Variants in RAPGEF5 observed in about 807,000 individuals in gnomAD.
The protein encoded by RAPGEF5 is M-Ras-regulated GEF.
A neutral mutation model predicts 125.2 loss-of-function variants in RAPGEF5; 65 were observed. The observed-to-expected ratio is 0.52, with a 90% CI of 0.43 to 0.64. The LOEUF is 0.64. Ranked by LOEUF, RAPGEF5 falls within the 30% of genes least tolerant of loss-of-function variation. RAPGEF5 has a pLI of 0.00. For synonymous variants in RAPGEF5, 391 were observed against 385.9 expected, an observed-to-expected ratio of 1.01 and a Z score of -0.16; for missense variants, 958 against 1,048.1, an observed-to-expected ratio of 0.91 and a Z score of 1.19.
At chr7:22,343,962 A>G (rs1024427306) in intron 1 of RAPGEF5, among the ~76,000 whole-genome samples, 3 of 152,136 alleles carry the variant, frequency 2.0e-5, no homozygotes, top group Non-Finnish European at 2.9e-5. Flanking sequence ...AGGAATGCCA[A>G]TTCCTCATAT....
At chr7:22,168,307 A>G (rs1384062981) in intron 11 of RAPGEF5, among the ~76,000 whole-genome samples, 1 of 152,204 alleles carries the variant, frequency 6.6e-6, no homozygotes, top group Non-Finnish European at 1.5e-5. Context: ...TCTCTCTACC[A>G]TACAAGTATC....
intron 6 of RAPGEF5, among the ~76,000 whole-genome samples, chr7:22,284,067 CTGTG>C (rs1554273151): frequency 1.0e-4 from 15 of 149,678 alleles, no homozygotes; most frequent in East Asian, 3.9e-4. Flanking sequence ...TTTTAAAAAG[CTGTG>C]TGTGTGTGTG....
intron 6 of RAPGEF5, among the ~76,000 whole-genome samples, chr7:22,288,195 T>A (rs1251764160): frequency 6.6e-6 from 1 of 151,910 alleles, no homozygotes; most frequent in Non-Finnish European, 1.5e-5. Context: ...TTCCTCTCAC[T>A]GTCCTCTAGT....
chr7:22,195,116 C>G (rs373492564), intron 9 of RAPGEF5, among the ~76,000 whole-genome samples: 3 of 152,172 alleles, frequency 2.0e-5, no homozygotes, highest in African/African-American at 7.2e-5. Flanking sequence ...GCTCCTAGCA[C>G]GTTTCCCCTA....
intron 6 of RAPGEF5, among the ~76,000 whole-genome samples, chr7:22,290,971 A>G (rs1025194787): frequency 9.9e-5 from 15 of 152,170 alleles, no homozygotes; most frequent in Non-Finnish European, 2.9e-5. Flanking sequence ...TCCACCAGAA[A>G]TATCTATGAT....
At chr7:22,244,060 T>G (rs1256977515) in intron 7 of RAPGEF5, among the ~76,000 whole-genome samples, 1 of 152,216 alleles carries the variant, frequency 6.6e-6, no homozygotes, top group Non-Finnish European at 1.5e-5. Context: ...TCTCTTTCTG[T>G]GCCTGGCTTA....
chr7:22,133,442 G>C (rs1369591414), intron 23 of RAPGEF5, among the ~76,000 whole-genome samples: 2 of 152,128 alleles, frequency 1.3e-5, no homozygotes, highest in Non-Finnish European at 2.9e-5. Context: ...GCAGTTTTGG[G>C]GTATGAGAAA....
intron 1 of RAPGEF5, among the ~76,000 whole-genome samples, chr7:22,347,460 C>A (rs185167818): frequency 6.6e-6 from 1 of 152,126 alleles, no homozygotes; most frequent in East Asian, 1.9e-4. Context: ...TTAAGATATA[C>A]CATCAATTTA....
At chr7:22,328,210 G>T (rs1783850656) in intron 1 of RAPGEF5, among the ~76,000 whole-genome samples, 1 of 152,174 alleles carries the variant, frequency 6.6e-6, no homozygotes, top group Admixed American at 6.5e-5. Flanking sequence ...GGTTCCTCCT[G>T]GTCAGAAGGG....
intron 13 of RAPGEF5, 48 bp downstream of exon 13, chr7:22,162,349 T>C (rs775614930): frequency 1.1e-5 from 16 of 1,502,616 alleles, no homozygotes; most frequent in Admixed American, 7.3e-5. Flanking sequence ...TAACTAAAAA[T>C]AGAATCAGTT....
Position 22,233,831 on chromosome 7 carries a change from CAAT to C in RAPGEF5, c.797-2915_797-2913del, listed in dbSNP as rs376234381. Among the ~76,000 whole-genome samples the C allele has an allele frequency of 2.2e-3, 338 of 152,304 alleles. 1 individual carries two copies. Among genetic ancestry groups the C allele is most frequent in the African/African-American group, 7.3e-3 (305 of 41,564 alleles). The stretch of plus-strand genomic sequence containing the variant: ...TTTATTTCTAGCTTATCCCCAACAA[CAAT>C]GCTATGTTTATTGTCACATCTTTAA... On this transcript the variant is annotated intron_variant, in intron 7 of 25. Transcript: ENST00000665637.
Position 22,120,192 on chromosome 7 carries a change from G to A in RAPGEF5, c.*2214C>T, listed in dbSNP as rs1782543132. On this transcript the variant is annotated 3_prime_UTR_variant, in exon 26 of 26. Coordinates refer to ENST00000665637, the MANE Select transcript of RAPGEF5 (RefSeq NM_012294.5). The surrounding 1 kb of genome is among the most constrained non-coding windows in gnomAD (Gnocchi z 4.0). The stretch of plus-strand genomic sequence containing the variant: ...CCACCTAACCACGGCTGGAGGAAGA[G>A]GTGAACAAGCATCATTTTCTCCCCA... The A allele has an allele frequency of 6.6e-6, 1 of 152,184 alleles. No homozygotes were observed. The highest frequency in any genetic ancestry group is 6.5e-5 in the Admixed American group (1 of 15,274). The allele number at this position is 152,184 out of a possible 1,614,324, so 9.4% of individuals were successfully genotyped here. A position where few individuals can be genotyped will look rare whatever the true frequency, so the allele number is the denominator to read the frequency against.
chr7:22,288,095 C>G (rs1782840462), intron 6 of RAPGEF5, among the ~76,000 whole-genome samples: 1 of 152,196 alleles, frequency 6.6e-6, no homozygotes, highest in South Asian at 2.1e-4. Flanking sequence ...TCAACTAAAT[C>G]CACAGTGAAC....
intron 7 of RAPGEF5, among the ~76,000 whole-genome samples, chr7:22,237,958 A>G (rs992595548): frequency 1.1e-4 from 16 of 152,366 alleles, no homozygotes; most frequent in African/African-American, 3.6e-4. Flanking sequence ...AAAGGCATCC[A>G]GGAAAATGCG....
chr7:22,276,497 G>A (rs1301819017), intron 6 of RAPGEF5, among the ~76,000 whole-genome samples: 1 of 152,198 alleles, frequency 6.6e-6, no homozygotes, highest in East Asian at 1.9e-4. Context: ...TTCTATGGTA[G>A]CAATCTCTCA....
chr7:22,140,163 C>T (rs755210613), intron 20 of RAPGEF5, 48 bp from the exon 21 acceptor site: 3 of 1,477,234 alleles, frequency 2.0e-6, no homozygotes, highest in Non-Finnish European at 2.8e-6. Context: ...ACATTCTTTC[C>T]CCAGATAATC....
At chr7:22,205,066 T>C (rs1197763394) in intron 9 of RAPGEF5, among the ~76,000 whole-genome samples, 1 of 152,172 alleles carries the variant, frequency 6.6e-6, no homozygotes, top group Admixed American at 6.5e-5. Flanking sequence ...ATAACACATA[T>C]GAAAAACAAA....
chr7:22,266,868 C>G (rs879076825), intron 7 of RAPGEF5, 96 bp downstream of exon 7: 1 of 1,264,118 alleles, frequency 7.9e-7, no homozygotes, highest in South Asian at 1.3e-5. Flanking sequence ...TACACCATAA[C>G]TTCCTGAGAT....
intron 7 of RAPGEF5, among the ~76,000 whole-genome samples, chr7:22,253,894 A>G (rs1036792066): frequency 6.6e-6 from 1 of 152,246 alleles, no homozygotes; most frequent in Non-Finnish European, 1.5e-5. Context: ...ACGTTAAAAG[A>G]AGAACCTGTC....
Sources: allele counts gnomAD v4.1 joint callset (sites outside exome capture counted in the v4.1 genomes callset), GRCh38; gene constraint gnomAD v4.1.1; non-coding constraint Gnocchi (gnomAD v3.1); transcripts MANE v1.5; gene names NCBI Gene and HGNC (gene_info 2026-07-23, HGNC 2026-07-21).